The following PSIP1 variants were observed in gnomAD, a reference collection of about 807,000 sequenced individuals.
PSIP1 encodes the protein PC4 and SFRS1-interacting protein.
A neutral mutation model predicts 74.7 loss-of-function variants in PSIP1; 19 were observed. The observed-to-expected ratio is 0.25, with a 90% confidence interval of 0.18 to 0.37. The LOEUF (loss-of-function observed/expected upper bound fraction) is 0.37, where lower values mean the gene tolerates loss of function less well. Among genes scored for constraint, PSIP1 ranks in the 10% least tolerant of loss-of-function variants. PSIP1 has a pLI of 1.00. For synonymous variants in PSIP1, 222 were observed against 195.3 expected (o/e 1.14, Z -1.14); for missense variants, 601 against 614.3 (o/e 0.98, Z 0.23).
intron 12 of PSIP1, 68 bp downstream of exon 12, chr9:15,469,198 C>A: frequency 7.6e-7 from 1 of 1,322,044 alleles, no homozygotes; most frequent in Non-Finnish European, 1.1e-6. Flanking sequence ...CTCATAAGAT[C>A]ATGTGAGAAA....
chr9:15,478,927 A>C (rs1277702487), intron 7 of PSIP1, among the ~76,000 whole-genome samples: 3 of 152,086 alleles, frequency 2.0e-5, no homozygotes, highest in Non-Finnish European at 4.4e-5. Flanking sequence ...TTGGAAGTTC[A>C]TATCAAAATT....
intron 2 of PSIP1, among the ~76,000 whole-genome samples, chr9:15,508,999 GT>G (rs2037727023): frequency 6.6e-6 from 1 of 152,210 alleles, no homozygotes; most frequent in South Asian, 2.1e-4. Context: ...GTGAACAGGA[GT>G]TTACGTAGAG....
intron 8 of PSIP1, among the ~76,000 whole-genome samples, chr9:15,477,253 G>A (rs1238358038): frequency 2.0e-5 from 3 of 152,092 alleles, no homozygotes; most frequent in Non-Finnish European, 1.5e-5. Context: ...TTTATGGTGT[G>A]CAACACAATG....
At chr9:15,466,284 C>CA (rs201218583) in intron 15 of PSIP1, among the ~76,000 whole-genome samples, 1,997 of 152,298 alleles carry the variant, frequency 0.013, 138 homozygotes, top group Admixed American at 0.11. Flanking sequence ...GAGGCTGAGG[C>CA]AGGAGAATCG....
chr9:15,470,636 T>C, intron 10 of PSIP1: 1 of 907,238 alleles, frequency 1.1e-6, no homozygotes, highest in Non-Finnish European at 1.3e-6. Context: ...AAAAATCAGG[T>C]TTTTTTTTTA....
chr9:15,480,977 C>T (rs1326805065), intron 6 of PSIP1, among the ~76,000 whole-genome samples: 1 of 152,128 alleles, frequency 6.6e-6, no homozygotes, highest in Non-Finnish European at 1.5e-5. Context: ...ACGAATGTAT[C>T]CATTTCTTTA....
At chr9:15,493,632 G>C (rs1430661261) in intron 3 of PSIP1, among the ~76,000 whole-genome samples, 1 of 152,206 alleles carries the variant, frequency 6.6e-6, no homozygotes, top group East Asian at 1.9e-4. Flanking sequence ...TTGACTCAAA[G>C]TTCCGCATGG....
At chr9:15,490,236 C>A (rs2036761583) in intron 3 of PSIP1, 112 bp from the exon 4 acceptor site, 2 of 1,012,112 alleles carry the variant, frequency 2.0e-6, no homozygotes, top group Admixed American at 3.3e-5. Flanking sequence ...AACTGCATTA[C>A]AAATCTTAAA....
intron 14 of PSIP1, among the ~76,000 whole-genome samples, chr9:15,468,123 TA>T (rs34755757): frequency 0.65 from 90,587 of 140,272 alleles, 30,074 homozygotes; most frequent in Admixed American, 0.74. Flanking sequence ...CTCCATCTTT[TA>T]AAAAAAAAAA....
intron 6 of PSIP1, 84 bp downstream of exon 6, chr9:15,485,922 G>A: frequency 8.2e-7 from 1 of 1,220,936 alleles, no homozygotes; most frequent in Non-Finnish European, 1.2e-6. Context: ...GAAATTTAAG[G>A]TTTCATTGTA....
chr9:15,501,392 A>AG (rs2132211677), intron 3 of PSIP1, among the ~76,000 whole-genome samples: 1 of 147,588 alleles, frequency 6.8e-6, no homozygotes, highest in South Asian at 2.1e-4. Flanking sequence ...AAAAGAGAAA[A>AG]GGGGAAAAAA....
chr9:15,465,657 T>C, intron 15 of PSIP1, 77 bp from the exon 16 acceptor site: 1 of 1,245,896 alleles, frequency 8.0e-7, no homozygotes, highest in Non-Finnish European at 1.1e-6. Flanking sequence ...TAAGTCTGCA[T>C]TATATTTTTA....
At chr9:15,498,400 A>T (rs1164295514) in intron 3 of PSIP1, among the ~76,000 whole-genome samples, 2 of 152,140 alleles carry the variant, frequency 1.3e-5, no homozygotes, top group Non-Finnish European at 2.9e-5. Context: ...TGGGTGACAG[A>T]GTGAGGCTCC....
intron 3 of PSIP1, among the ~76,000 whole-genome samples, chr9:15,491,764 AG>A (rs1393937177): frequency 6.6e-6 from 1 of 152,222 alleles, no homozygotes; most frequent in Non-Finnish European, 1.5e-5. Flanking sequence ...TAATTTATAA[AG>A]AAAAGAAGTT....
chr9:15,493,603 A>T (rs932372072), intron 3 of PSIP1, among the ~76,000 whole-genome samples: 1 of 152,238 alleles, frequency 6.6e-6, no homozygotes, highest in Non-Finnish European at 1.5e-5. Flanking sequence ...TGGATAGTTT[A>T]TAAAGAAAAG....
intron 6 of PSIP1, among the ~76,000 whole-genome samples, chr9:15,483,816 A>T (rs1229215229): frequency 2.6e-5 from 4 of 152,132 alleles, no homozygotes. Context: ...ACATAGTGAA[A>T]CCCTGTCTTT....
intron 3 of PSIP1, among the ~76,000 whole-genome samples, chr9:15,490,731 T>G (rs1192711302): frequency 6.6e-6 from 1 of 152,040 alleles, no homozygotes; most frequent in East Asian, 1.9e-4. Context: ...TTTGGGTTTT[T>G]TTAAACTACA....
rs551347900 is a variant in PSIP1, at chr9:15,490,243, T to C, written c.150-119A>G. ...AGAACCTAAACTGCATTACAAATCT[T>C]AAATAAGTTAAAGGGCAATTAATAA... is the stretch of plus-strand genomic sequence containing the variant. On this transcript the variant is annotated intron_variant, in intron 3 of 15. Coordinates refer to ENST00000380733, the MANE Select transcript of PSIP1 (RefSeq NM_033222.5). 9.7e-6 allele frequency: 9 copies of C among 928,880 alleles called. No homozygotes were observed. The East Asian group carries it at 2.6e-4, about 27-fold the overall frequency. The allele number at this position is 928,880 out of a possible 1,614,324, so 57.5% of individuals were successfully genotyped here. A position where few individuals can be genotyped will look rare whatever the true frequency, so the allele number is the denominator to read the frequency against.
intron 3 of PSIP1, among the ~76,000 whole-genome samples, chr9:15,497,541 G>A (rs1483788913): frequency 6.6e-6 from 1 of 151,888 alleles, no homozygotes; most frequent in African/African-American, 2.4e-5. Flanking sequence ...TGTCCAGGCT[G>A]GTCTCGAACT....
Sources: allele counts gnomAD v4.1 joint callset (sites outside exome capture counted in the v4.1 genomes callset), GRCh38; gene constraint gnomAD v4.1.1; transcripts MANE v1.5; gene names NCBI Gene and HGNC (gene_info 2026-07-23, HGNC 2026-07-21).